PTGER3: variants seen among roughly 807,000 people sequenced by gnomAD.
PTGER3 encodes prostaglandin E receptor 3, also known as prostaglandin E2 receptor EP3 subtype.
PTGER3 carries 22 observed loss-of-function variants against 34.7 expected under a neutral mutation model. That is an observed-to-expected ratio of 0.63 (90% CI 0.45 to 0.91). PTGER3 has a LOEUF of 0.91. PTGER3 is among the 40% of genes least tolerant of loss of function. The probability of loss-of-function intolerance (pLI) is 0.00; values close to 1 mark genes in which losing one functional copy is unlikely to be tolerated. For missense variants in PTGER3, 468 were observed against 519.4 expected (o/e 0.90, Z 0.96); for synonymous variants, 241 against 230.1 (o/e 1.05, Z -0.43).
intron 1 of PTGER3, 79 bp from the exon 2 acceptor site, chr1:71,012,563 G>T: frequency 7.7e-7 from 1 of 1,298,704 alleles, no homozygotes; most frequent in Non-Finnish European, 1.1e-6. Flanking sequence ...TTTGCACATA[G>T]TTGGTTTTCA....
chr1:70,946,064 G>C (rs1210664831), intron 4 of PTGER3, among the ~76,000 whole-genome samples: 1 of 152,050 alleles, frequency 6.6e-6, no homozygotes. Flanking sequence ...GGATGAGAGA[G>C]AAAATAAGAG....
intron 1 of PTGER3, among the ~76,000 whole-genome samples, chr1:71,013,702 C>CAAAAAAAAAAAA (rs111381892): frequency 1.9e-5 from 2 of 105,612 alleles, no homozygotes; most frequent in Non-Finnish European, 2.0e-5. Context: ...AACTCTGTCT[C>CAAAAAAAAAAAA]AAAAAAAAAA....
intron 4 of PTGER3, among the ~76,000 whole-genome samples, chr1:70,939,648 G>A (rs1406821708): frequency 1.3e-5 from 2 of 152,356 alleles, no homozygotes; most frequent in East Asian, 1.9e-4. Context: ...CCACATGGAA[G>A]CTGCCAAGGC....
At chr1:70,905,842 A>G (rs925345763) in intron 4 of PTGER3, among the ~76,000 whole-genome samples, 1 of 152,178 alleles carries the variant, frequency 6.6e-6, no homozygotes, top group East Asian at 1.9e-4. Flanking sequence ...GAAATGTGAG[A>G]ACAAGAGATT....
intron 2 of PTGER3, among the ~76,000 whole-genome samples, chr1:70,997,954 C>T (rs1656133648): frequency 1.3e-5 from 2 of 152,206 alleles, no homozygotes; most frequent in South Asian, 4.1e-4. Context: ...CTGGTATGTG[C>T]TTGAATATTT....
chr1:70,865,470 G>A (rs1336098685), intron 4 of PTGER3, among the ~76,000 whole-genome samples: 2 of 152,138 alleles, frequency 1.3e-5, no homozygotes, highest in Non-Finnish European at 2.9e-5. Flanking sequence ...GGATTTAAGA[G>A]CACTGCAGAA....
intron 1 of PTGER3, among the ~76,000 whole-genome samples, chr1:71,037,166 A>T (rs952478119): frequency 6.6e-6 from 1 of 152,162 alleles, no homozygotes; most frequent in African/African-American, 2.4e-5. Flanking sequence ...GGCCAATCTC[A>T]TGTGTGATAG....
intron 4 of PTGER3, among the ~76,000 whole-genome samples, chr1:70,901,731 T>C (rs1322450165): frequency 6.6e-6 from 1 of 152,172 alleles, no homozygotes; most frequent in Non-Finnish European, 1.5e-5. Context: ...TGAAGGCAAC[T>C]GTGTACCTAC....
intron 1 of PTGER3, among the ~76,000 whole-genome samples, chr1:71,030,859 C>A (rs1220556898): frequency 3.3e-5 from 5 of 151,906 alleles, no homozygotes; most frequent in African/African-American, 1.2e-4. Context: ...TATTCTCAAT[C>A]AATTTGTTCT....
intron 4 of PTGER3, among the ~76,000 whole-genome samples, chr1:70,866,566 C>A (rs1646046334): frequency 6.6e-6 from 1 of 152,108 alleles, no homozygotes; most frequent in African/African-American, 2.4e-5. Flanking sequence ...TCAGGATGAC[C>A]AGACTATGAG....
chr1:71,031,180 C>G (rs1245906050), intron 1 of PTGER3, among the ~76,000 whole-genome samples: 1 of 151,742 alleles, frequency 6.6e-6, no homozygotes, highest in Non-Finnish European at 1.5e-5. Context: ...TTTTGTGGCT[C>G]TCTTCAGTTT....
At chr1:70,947,265 T>C (rs987669084) in intron 4 of PTGER3, 1 of 152,166 alleles carries the variant, frequency 6.6e-6, no homozygotes, top group African/African-American at 2.4e-5. Flanking sequence ...TTCCCACATG[T>C]TGTGGGAGGG....
At chr1:70,976,520 TTGC>T (rs991352013) in intron 2 of PTGER3, among the ~76,000 whole-genome samples, 1 of 152,124 alleles carries the variant, frequency 6.6e-6, no homozygotes, top group African/African-American at 2.4e-5. Context: ...TTTTAAAAAA[TTGC>T]TGTATATTGG....
chr1:70,945,745 T>A (rs1228120634), intron 4 of PTGER3, among the ~76,000 whole-genome samples: 5 of 152,118 alleles, frequency 3.3e-5, no homozygotes, highest in African/African-American at 7.2e-5. Context: ...TTTAACTTTT[T>A]AAAAAATCTC....
chr1:71,011,503 C>T, intron 2 of PTGER3: 2 of 985,274 alleles, frequency 2.0e-6, no homozygotes, highest in Non-Finnish European at 2.4e-6. Flanking sequence ...CATGAATCTT[C>T]CTTAGGCTCA....
intron 4 of PTGER3, among the ~76,000 whole-genome samples, chr1:70,939,476 C>T (rs1404380614): frequency 6.6e-6 from 1 of 152,242 alleles, no homozygotes; most frequent in Non-Finnish European, 1.5e-5. Flanking sequence ...GCTCTGACCC[C>T]ACATTTCCCT....
rs775366401 is a variant in PTGER3, at chr1:70,974,327, G to A, written c.1139C>T (p.Ser380Leu). The change falls in exon 3 of 4, where the codon TCA (serine) becomes TTA (leucine). Residue 380 changes from serine to leucine, a missense_variant. Around this residue, in one of 5 missense-constraint regions of PTGER3, gnomAD observed 57 missense variants for 43.8 expected, o/e 1.30. Coordinates refer to ENST00000306666, the MANE Select transcript of PTGER3 (RefSeq NM_198719.2). ...CAAATGGTCGCTCCACATCAAGGTT[G>A]AGGAACACTGGCAGGGTAAGGAGGT... Reference protein sequence around the residue: ...SSTSLPCQCSSTLMWSDHLER With the variant: ...SSTSLPCQCSLTLMWSDHLER The A allele has an allele frequency of 6.6e-6, 10 of 1,521,138 alleles. No homozygotes were observed. Among genetic ancestry groups the A allele is most frequent in the Non-Finnish European group, 9.1e-6 (10 of 1,095,804 alleles). The allele number at this position is 1,521,138 out of a possible 1,614,324, so 94.2% of individuals were successfully genotyped here.
intron 1 of PTGER3, among the ~76,000 whole-genome samples, chr1:71,017,164 C>T (rs531062654): frequency 3.5e-4 from 53 of 152,042 alleles, no homozygotes; most frequent in Non-Finnish European, 6.3e-4. Context: ...CCTAGATTAC[C>T]TGCGTGGACC....
In PTGER3 at chr1:71,046,834, G is replaced by T; in HGVS notation, c.744C>A (p.Cys248Ter). Residue 248 changes from cysteine to a stop codon, truncating the protein, a stop_gained, in exon 1 of 4, where the codon TGC becomes TGA. Transcript: ENST00000306666. LOFTEE classifies it high-confidence loss of function. The stretch of plus-strand genomic sequence containing the variant: ...CCAGGGCCTTAATGGTGGCCAGGTT[G>T]CAGGAAAAGGTGACTGTCAGCGCCA... ...GLLALTVTFS[C>*]NLATIKALVS... The T allele has an allele frequency of 2.5e-6, 4 of 1,614,130 alleles. No homozygotes were observed. The highest frequency in any genetic ancestry group is 3.4e-6 in the Non-Finnish European group (4 of 1,180,046).
Sources: allele counts gnomAD v4.1 joint callset (sites outside exome capture counted in the v4.1 genomes callset), GRCh38; gene constraint gnomAD v4.1.1; regional missense constraint gnomAD v4.1.1; transcripts MANE v1.5; gene names NCBI Gene and HGNC (gene_info 2026-07-23, HGNC 2026-07-21).